FREM1: variants seen among roughly 807,000 people sequenced by gnomAD.
FREM1 encodes FRAS1 related extracellular matrix 1.
Under a neutral mutation model 210.1 loss-of-function variants are expected in FREM1, and 220 were observed. The ratio of observed to expected loss-of-function variants is 1.05; its 90% CI spans 0.94 to 1.17. The LOEUF (loss-of-function observed/expected upper bound fraction) is 1.17. FREM1 is among the 50% of genes most tolerant of loss of function. The probability of loss-of-function intolerance (pLI) is 0.00; values close to 1 mark genes in which losing one functional copy is unlikely to be tolerated. For missense variants in FREM1, 3,454 were observed against 2,675.5 expected (o/e 1.29, Z -6.42); for synonymous variants, 1,189 against 980.2 (o/e 1.21, Z -3.98).
intron 6 of FREM1, among the ~76,000 whole-genome samples, chr9:14,849,186 G>A (rs1418363449): frequency 6.6e-6 from 1 of 152,064 alleles, no homozygotes; most frequent in Non-Finnish European, 1.5e-5. Flanking sequence ...TTTAATTTCA[G>A]AAGTCGGTGT....
intron 1 of FREM1, among the ~76,000 whole-genome samples, chr9:14,871,810 G>C (rs190638294): frequency 0.042 from 6,420 of 152,194 alleles, 460 homozygotes; most frequent in African/African-American, 0.15. Context: ...TAACATTTAA[G>C]TCTTTAATCC....
chr9:14,845,289 G>A (rs1362586978), intron 8 of FREM1, among the ~76,000 whole-genome samples: 1 of 151,916 alleles, frequency 6.6e-6, no homozygotes, highest in African/African-American at 2.4e-5. Context: ...TATTAATTAA[G>A]CATTAATTTT....
chr9:14,769,090 T>A (rs981116447), intron 27 of FREM1, among the ~76,000 whole-genome samples: 49 of 152,294 alleles, frequency 3.2e-4, no homozygotes, highest in African/African-American at 1.0e-3. Context: ...AGGGACCCAG[T>A]CAGTGAAATT....
chr9:14,819,626 T>G (rs1820923532), intron 13 of FREM1, among the ~76,000 whole-genome samples, 184 bp from the exon 14 acceptor site: 1 of 152,248 alleles, frequency 6.6e-6, no homozygotes, highest in Admixed American at 6.5e-5. Flanking sequence ...TTACTATTTC[T>G]AATTCTAAGC....
chr9:14,843,848 C>A (rs1277962125), intron 8 of FREM1, among the ~76,000 whole-genome samples: 1 of 152,150 alleles, frequency 6.6e-6, no homozygotes, highest in Non-Finnish European at 1.5e-5. Context: ...TGTTATCAAG[C>A]CTATTTGAAA....
chr9:14,863,975 G>A, intron 2 of FREM1, 72 bp from the exon 3 acceptor site: 1 of 911,448 alleles, frequency 1.1e-6, no homozygotes, highest in Non-Finnish European at 1.8e-6. Context: ...TGCCAGGAGA[G>A]CACTGCCTGG....
chr9:14,810,663 C>A (rs893392655), intron 16 of FREM1, among the ~76,000 whole-genome samples: 1 of 152,136 alleles, frequency 6.6e-6, no homozygotes, highest in Non-Finnish European at 1.5e-5. Flanking sequence ...ATTACTAAAA[C>A]ATCTTTATAA....
intron 21 of FREM1, among the ~76,000 whole-genome samples, chr9:14,795,076 G>T (rs1185679587): frequency 6.6e-6 from 1 of 151,800 alleles, no homozygotes; most frequent in African/African-American, 2.4e-5. Flanking sequence ...GGCAGAAATG[G>T]AACTCTTCCA....
chr9:14,895,956 T>C (rs1215424690), intron 1 of FREM1, among the ~76,000 whole-genome samples: 3 of 152,072 alleles, frequency 2.0e-5, no homozygotes, highest in Non-Finnish European at 4.4e-5. Flanking sequence ...CCAGAGTAAC[T>C]CCAACTTGAA....
chr9:14,831,600 G>A (rs1421876217), intron 10 of FREM1, among the ~76,000 whole-genome samples: 1 of 152,226 alleles, frequency 6.6e-6, no homozygotes, highest in East Asian at 1.9e-4. Context: ...AATTCTGGAA[G>A]TTAACCAGAA....
chr9:14,757,445 C>T (rs1335867207), intron 28 of FREM1, among the ~76,000 whole-genome samples: 3 of 152,232 alleles, frequency 2.0e-5, no homozygotes, highest in African/African-American at 7.2e-5. Context: ...ATCCCACCTC[C>T]TGGGGAGGCT....
rs748279858 is a variant in FREM1, at chr9:14,770,792, G to C, written c.4872C>G (p.Asp1624Glu). The C allele has an allele frequency of 4.3e-6, 7 of 1,611,606 alleles. No individual in the cohort carries two copies. The African/African-American group carries it at 8.0e-5, about 18-fold the overall frequency. Reference sequence around the variant, plus strand: ...AGAGTGTGATACGAGGAGCTGTTTTGTCCAATTGGTCTACCTGGATCATCA... The same window carrying C: ...AGAGTGTGATACGAGGAGCTGTTTTCTCCAATTGGTCTACCTGGATCATCA... ...VLFTIQVDQL[D>E]KTAPRITLLH... The change falls in exon 26 of 37, where the codon GAC (aspartate) becomes GAG (glutamate). Residue 1624 changes from aspartate to glutamate, a missense_variant. Coordinates refer to ENST00000380880, the MANE Select transcript of FREM1 (RefSeq NM_001379081.2).
chr9:14,897,031 T>A (rs1014124534), intron 1 of FREM1, among the ~76,000 whole-genome samples: 3 of 152,218 alleles, frequency 2.0e-5, no homozygotes, highest in Non-Finnish European at 4.4e-5. Flanking sequence ...AGATCTGCTT[T>A]CGATGACCTA....
At chr9:14,872,383 G>C (rs10961762) in intron 1 of FREM1, among the ~76,000 whole-genome samples, 24,008 of 151,664 alleles carry the variant, frequency 0.16, 2,455 homozygotes, top group East Asian at 0.57. Context: ...AGGTCCTTCA[G>C]GTCCCTTGTA....
At chr9:14,887,857 G>A (rs1181948406) in intron 1 of FREM1, among the ~76,000 whole-genome samples, 4 of 152,066 alleles carry the variant, frequency 2.6e-5, no homozygotes, top group Non-Finnish European at 5.9e-5. Context: ...GAGTGCAGTG[G>A]CACAATCTCA....
In FREM1 at chr9:14,775,945, G is replaced by A. The variant is rs368890689; in HGVS notation, c.4701C>T (p.Phe1567=). 73 of 1,614,004 alleles carry A rather than the reference G, an allele frequency of 4.5e-5. No individual in the cohort carries two copies. In the South Asian group the frequency reaches 5.5e-4, roughly 12 times the overall value. The part of the protein sequence containing the change: ...LWGTGLLQHN[F]TQQDVDSKNV... ...TCTTGCTGTCCACATCCTGCTGGGT[G>A]AAATTGTGTTGAAGTAGCCCTGTCC... The change falls in exon 25 of 37, where the codon TTC becomes TTT. Residue 1567 remains phenylalanine, a synonymous_variant. Transcript: ENST00000380880.
Position 14,808,080 on chromosome 9 carries a change from T to C in FREM1, c.2948A>G (p.Asp983Gly), listed in dbSNP as rs749103652. 6.8e-6 allele frequency: 11 copies of C among 1,613,490 alleles called. No homozygotes were observed. The Admixed American group carries it at 1.5e-4, about 22-fold the overall frequency. Residue 983 changes from aspartate to glycine, a missense_variant, in exon 17 of 37, where the codon GAT becomes GGT. By Grantham distance (94) the Asp-to-Gly change is moderately conservative. Coordinates refer to ENST00000380880, the MANE Select transcript of FREM1 (RefSeq NM_001379081.2). ...ATTCACAAAAGGGCCAGCCTCTCCA[T>C]CCGAAACCACCAATGTAATGGTGTC... ...CFDTITLVVS[D>G]GEAGPFVNGC...
rs908910462 is a variant in FREM1 at position 14,746,867 on chromosome 9, C to G, written c.6138+56G>C. On this transcript the variant is annotated intron_variant, in intron 34 of 36. Coordinates refer to ENST00000380880, the MANE Select transcript of FREM1 (RefSeq NM_001379081.2). ...GCACCAGATGGTTCCCCTCTATTAG[C>G]TTATCATAGAGCACATTGCGAATAA... 7 of 1,574,590 alleles carry G rather than the reference C, an allele frequency of 4.4e-6. No homozygotes were observed. The African/African-American group carries it at 5.4e-5, about 12-fold the overall frequency.
At chr9:14,881,359 C>T (rs138047523) in intron 1 of FREM1, among the ~76,000 whole-genome samples, 41 of 152,256 alleles carry the variant, frequency 2.7e-4, no homozygotes, top group African/African-American at 9.4e-4. Context: ...CACACTTTTA[C>T]AGCCAATCTG....
Sources: allele counts gnomAD v4.1 joint callset (sites outside exome capture counted in the v4.1 genomes callset), GRCh38; gene constraint gnomAD v4.1.1; transcripts MANE v1.5; gene names NCBI Gene and HGNC (gene_info 2026-07-23, HGNC 2026-07-21).